The following FGF5 variants were observed in gnomAD, a reference collection of about 807,000 sequenced individuals.
FGF5 encodes the protein fibroblast growth factor 5.
Under a neutral mutation model 21.8 loss-of-function variants are expected in FGF5, and 23 were observed. The observed-to-expected ratio is 1.05, with a 90% confidence interval of 0.76 to 1.49. The LOEUF is 1.49. Ranked by LOEUF, FGF5 falls within the 40% of genes most tolerant of loss-of-function variation. FGF5 has a pLI of 0.00. For missense variants in FGF5, 352 were observed against 332.9 expected, an observed-to-expected ratio of 1.06 and a Z score of -0.45; for synonymous variants, 158 against 124.0, an observed-to-expected ratio of 1.27 and a Z score of -1.82.
chr4:80,286,152 T>C (rs1720708769), intron 2 of FGF5, among the ~76,000 whole-genome samples, 173 bp from the exon 3 acceptor site: 1 of 152,000 alleles, frequency 6.6e-6, no homozygotes, highest in Admixed American at 6.6e-5. Flanking sequence ...GAAAGAAAAA[T>C]AGTAATTTTA....
At position 80,266,911 on chromosome 4, in the gene FGF5, A is replaced by C. The variant is rs1157754298; in HGVS notation, c.87A>C (p.Lys29Asn). The change falls in exon 1 of 3, where the codon AAA (lysine) becomes AAC (asparagine). Residue 29 changes from lysine (K) to asparagine (N), a missense_variant. By Grantham distance (94) the Lys-to-Asn change is moderately conservative. Transcript: ENST00000312465. ...ACGGGGAGAAGCGTCTCGCCCCCAA[A>C]GGGCAACCCGGACCCGCTGCCACTG... ...WAHGEKRLAPKGQPGPAATDR... is the reference protein window; with the variant it reads ...WAHGEKRLAPNGQPGPAATDR... 6.2e-7 allele frequency: 1 copy of C among 1,613,982 alleles called. No individual in the cohort carries two copies. The highest frequency in any genetic ancestry group is 1.7e-5 in the Admixed American group (1 of 60,016).
At chr4:80,272,032 T>A (rs1325946646) in intron 1 of FGF5, among the ~76,000 whole-genome samples, 1 of 152,138 alleles carries the variant, frequency 6.6e-6, no homozygotes, top group Non-Finnish European at 1.5e-5. Flanking sequence ...CATTGTGAAA[T>A]CACTGCTGAC....
intron 2 of FGF5, among the ~76,000 whole-genome samples, chr4:80,279,298 A>T (rs1211687226): frequency 2.6e-5 from 4 of 152,242 alleles, no homozygotes; most frequent in Non-Finnish European, 4.4e-5. Context: ...AGTGTTTTAA[A>T]CAAGATAATA....
intron 2 of FGF5, among the ~76,000 whole-genome samples, chr4:80,280,173 AT>A (rs895151059): frequency 6.6e-6 from 1 of 152,204 alleles, no homozygotes; most frequent in African/African-American, 2.4e-5. Context: ...TGAAAAGAAT[AT>A]TTTTTTGCCC....
At chr4:80,269,454 AG>A (rs1377647622) in intron 1 of FGF5, among the ~76,000 whole-genome samples, 6 of 152,142 alleles carry the variant, frequency 3.9e-5, no homozygotes, top group Admixed American at 3.9e-4. Flanking sequence ...AGAAAAGCAA[AG>A]GGGGGAAAAT....
At chr4:80,278,719 G>A (rs967179609) in intron 2 of FGF5, among the ~76,000 whole-genome samples, 3 of 152,020 alleles carry the variant, frequency 2.0e-5, no homozygotes, top group East Asian at 1.9e-4. Flanking sequence ...CTAAATGTGG[G>A]CTCCCTGGAC....
chr4:80,271,863 T>A (rs753895204), intron 1 of FGF5, among the ~76,000 whole-genome samples: 17 of 152,232 alleles, frequency 1.1e-4, no homozygotes, highest in Non-Finnish European at 2.1e-4. Context: ...GAAATTTATA[T>A]ATTTGTGATT....
At chr4:80,267,652 G>C (rs1267555049) in intron 1 of FGF5, among the ~76,000 whole-genome samples, 1 of 151,944 alleles carries the variant, frequency 6.6e-6, no homozygotes, top group Non-Finnish European at 1.5e-5. Flanking sequence ...TCTTCCATCC[G>C]CTACCATAAA....
intron 1 of FGF5, among the ~76,000 whole-genome samples, chr4:80,271,395 A>AAG (rs3839150): frequency 0.57 from 86,209 of 151,878 alleles, 27,387 homozygotes; most frequent in African/African-American, 0.86. Flanking sequence ...AAATTCCACA[A>AAG]AGAGAATAAT....
chr4:80,280,894 G>T (rs36034102), intron 2 of FGF5, among the ~76,000 whole-genome samples: 32,806 of 152,014 alleles, frequency 0.22, 4,023 homozygotes, highest in Non-Finnish European at 0.26. Flanking sequence ...AGTCCCTGGA[G>T]ATAGGGCTTG....
intron 2 of FGF5, among the ~76,000 whole-genome samples, chr4:80,279,018 T>C (rs776500561): frequency 5.3e-5 from 8 of 152,162 alleles, no homozygotes; most frequent in Non-Finnish European, 8.8e-5. Flanking sequence ...GCACTCTTTC[T>C]CCCTTTATCT....
chr4:80,273,395 GAATA>G (rs1485023549), intron 1 of FGF5, among the ~76,000 whole-genome samples: 1 of 151,954 alleles, frequency 6.6e-6, no homozygotes, highest in Non-Finnish European at 1.5e-5. Flanking sequence ...AAACCAAGTT[GAATA>G]AATAAACAGC....
At chr4:80,279,670 A>G (rs959458181) in intron 2 of FGF5, among the ~76,000 whole-genome samples, 1 of 152,098 alleles carries the variant, frequency 6.6e-6, no homozygotes, top group Non-Finnish European at 1.5e-5. Context: ...GTCCATCTTG[A>G]TTTTTCCCTA....
At chr4:80,269,808 A>T (rs1295355424) in intron 1 of FGF5, among the ~76,000 whole-genome samples, 2 of 151,680 alleles carry the variant, frequency 1.3e-5, no homozygotes, top group African/African-American at 4.8e-5. Context: ...TTTTCCCCAG[A>T]AGAAAGCATA....
In FGF5 at chr4:80,280,591, G is replaced by C. The variant is rs150061065; in HGVS notation, c.459+5579G>C. 7.2e-3 allele frequency among the ~76,000 whole-genome samples: 1,091 copies of C among 152,288 alleles called. 11 individuals carry two copies. The highest frequency in any genetic ancestry group is 0.025 in the African/African-American group (1,040 of 41,550). Reference sequence around the variant, plus strand: ...AGGTCTATTCTGGCACTTAATAAATGCAGGGTGATAGATGGATCATTTTCT... The same window carrying C: ...AGGTCTATTCTGGCACTTAATAAATCCAGGGTGATAGATGGATCATTTTCT... On this transcript the variant is annotated intron_variant, in intron 2 of 2. Transcript: ENST00000312465.
intron 2 of FGF5, among the ~76,000 whole-genome samples, chr4:80,282,956 A>G (rs17532589): frequency 0.055 from 8,370 of 152,270 alleles, 317 homozygotes; most frequent in Non-Finnish European, 0.083. Context: ...GCTAAGACCT[A>G]TGACTCTTTG....
At chr4:80,270,043 G>A (rs891851714) in intron 1 of FGF5, among the ~76,000 whole-genome samples, 1 of 152,210 alleles carries the variant, frequency 6.6e-6, no homozygotes, top group Non-Finnish European at 1.5e-5. Flanking sequence ...CCTGACATTC[G>A]TGTAAACTAA....
intron 1 of FGF5, among the ~76,000 whole-genome samples, chr4:80,271,427 T>C (rs1356171097): frequency 6.6e-6 from 1 of 152,174 alleles, no homozygotes; most frequent in Non-Finnish European, 1.5e-5. Flanking sequence ...AGCATTCTCC[T>C]CTTCTTTTGA....
At chr4:80,285,998 A>T (rs1195022360) in intron 2 of FGF5, among the ~76,000 whole-genome samples, 5 of 152,196 alleles carry the variant, frequency 3.3e-5, no homozygotes, top group African/African-American at 1.2e-4. Flanking sequence ...AAGATTTGTA[A>T]CTATACATTT....
Sources: gnomAD v4.1 joint callset for allele counts (sites outside exome capture counted in the v4.1 genomes callset) on GRCh38, gnomAD v4.1.1 for gene constraint, MANE v1.5 for transcripts, NCBI Gene and HGNC (gene_info 2026-07-23, HGNC 2026-07-21) for gene names.